LNX1: variants seen among roughly 807,000 people sequenced by gnomAD.
LNX1 encodes E3 ubiquitin-protein ligase LNX.
LNX1 carries 54 observed loss-of-function variants against 68.4 expected under a neutral mutation model. The ratio of observed to expected loss-of-function variants is 0.79; its 90% CI spans 0.63 to 0.99. The LOEUF (loss-of-function observed/expected upper bound fraction) is 0.99, where lower values mean the gene tolerates loss of function less well. LNX1 is among the 50% of genes least tolerant of loss of function. The probability of loss-of-function intolerance (pLI) is 0.00; values close to 1 mark genes in which losing one functional copy is unlikely to be tolerated. For missense variants in LNX1, 906 were observed against 926.4 expected, an observed-to-expected ratio of 0.98 and a Z score of 0.29; for synonymous variants, 336 against 350.0, an observed-to-expected ratio of 0.96 and a Z score of 0.45.
chr4:53,636,424 T>C (rs976050377), intron 1 of LNX1, among the ~76,000 whole-genome samples: 2 of 151,956 alleles, frequency 1.3e-5, no homozygotes, highest in South Asian at 2.1e-4. Flanking sequence ...TGAGGCATCT[T>C]TGGGACTCTG....
intron 9 of LNX1, among the ~76,000 whole-genome samples, chr4:53,466,707 G>T (rs370932377): frequency 6.6e-6 from 1 of 152,238 alleles, no homozygotes; most frequent in Non-Finnish European, 1.5e-5. Flanking sequence ...ACCTGGCTCG[G>T]AGGGTCCTAT....
chr4:53,526,207 G>A (rs1473873438), intron 2 of LNX1, among the ~76,000 whole-genome samples: 3 of 152,098 alleles, frequency 2.0e-5, no homozygotes, highest in Non-Finnish European at 4.4e-5. Context: ...ACTGGACACG[G>A]CACACTGCTC....
upstream of LNX1, among the ~76,000 whole-genome samples, chr4:53,592,479 T>A (rs574533207): frequency 6.6e-6 from 1 of 152,140 alleles, no homozygotes; most frequent in Non-Finnish European, 1.5e-5. Flanking sequence ...CATCATCCCA[T>A]TGAAACGCTG....
chr4:53,540,069 G>A (rs1236983801), intron 2 of LNX1, among the ~76,000 whole-genome samples: 1 of 152,306 alleles, frequency 6.6e-6, no homozygotes, highest in East Asian at 1.9e-4. Context: ...AGATGGCATA[G>A]CAACTACCCC....
intron 7 of LNX1, among the ~76,000 whole-genome samples, chr4:53,479,456 A>G (rs1183887328): frequency 6.6e-6 from 1 of 152,226 alleles, no homozygotes; most frequent in Admixed American, 6.5e-5. Context: ...AAATACCACA[A>G]ATATGGCATG....
rs1721389131 is a variant in LNX1, at chr4:53,459,611, T to TAA, written c.*1294_*1295dup. ...AAATAAAAGAGTGAATTTTTCATGT[T>TAA]AAGTTAAAAATCTTTGTCTTGTACT... On this transcript the variant is annotated 3_prime_UTR_variant, in exon 11 of 11. Coordinates refer to ENST00000263925, the MANE Select transcript of LNX1 (RefSeq NM_001126328.3). The TAA allele has an allele frequency of 5.1e-6, 5 of 987,204 alleles. No individual in the cohort carries two copies. The highest frequency in any genetic ancestry group is 2.4e-5 in the Admixed American group (1 of 41,590). The allele number at this position is 987,204 out of a possible 1,614,324, so 61.2% of individuals were successfully genotyped here.
At chr4:53,477,004 C>G in intron 8 of LNX1, 23 bp from the exon 9 acceptor site, 1 of 1,596,024 alleles carries the variant, frequency 6.3e-7, no homozygotes, top group Middle Eastern at 1.7e-4. Flanking sequence ...GAAGCAGAAG[C>G]TATCTTTAGT....
chr4:53,629,070 A>T (rs1478780935), intron 1 of LNX1, among the ~76,000 whole-genome samples: 1 of 152,246 alleles, frequency 6.6e-6, no homozygotes, highest in Non-Finnish European at 1.5e-5. Context: ...ATCAGAATTT[A>T]TCACTACATA....
intron 2 of LNX1, among the ~76,000 whole-genome samples, chr4:53,544,958 G>C (rs1019706150): frequency 1.3e-5 from 2 of 152,202 alleles, no homozygotes; most frequent in African/African-American, 2.4e-5. Flanking sequence ...CACGTCCCCA[G>C]TGACACCTCA....
In LNX1 at chr4:53,561,353, G is replaced by A. The variant is rs184199788; in HGVS notation, c.380+12270C>T. ...AACGATTCTCCTGCCTCAGCCTCCC[G>A]AGTAGCTGGGACTACAGGCATGCAC... On this transcript the variant is annotated intron_variant, in intron 2 of 10. Transcript: ENST00000263925. Among the ~76,000 whole-genome samples, 117 of 151,984 alleles carry A rather than the reference G, an allele frequency of 7.7e-4. 1 individual carries two copies. Among genetic ancestry groups the A allele is most frequent in the African/African-American group, 2.4e-3 (100 of 41,454 alleles).
chr4:53,519,614 T>G (rs1727054162), intron 2 of LNX1, among the ~76,000 whole-genome samples: 1 of 151,754 alleles, frequency 6.6e-6, no homozygotes, highest in Non-Finnish European at 1.5e-5. Context: ...AGAGTAGCTC[T>G]GTCTGAGATC....
chr4:53,482,539 A>G (rs1560619908), intron 6 of LNX1, among the ~76,000 whole-genome samples: 1 of 152,324 alleles, frequency 6.6e-6, no homozygotes, highest in East Asian at 1.9e-4. Flanking sequence ...AAAAGAATGA[A>G]AAAATGTCTT....
intron 1 of LNX1, among the ~76,000 whole-genome samples, chr4:53,633,961 C>T (rs1734370893): frequency 6.6e-6 from 1 of 152,150 alleles, no homozygotes; most frequent in Non-Finnish European, 1.5e-5. Context: ...CTGGAAAGCA[C>T]CCACACCCAG....
chr4:53,508,341 T>TA lies in LNX1; in HGVS notation c.381-115_381-114insT. 3 of 1,338,932 alleles carry TA rather than the reference T, an allele frequency of 2.2e-6. No homozygotes were observed. In the East Asian group the frequency reaches 7.1e-5, roughly 32 times the overall value. 82.9% of individuals were successfully genotyped at this position (1,338,932 alleles called of 1,614,324 possible). On this transcript the variant is annotated intron_variant, in intron 2 of 10. Coordinates refer to ENST00000263925, the MANE Select transcript of LNX1 (RefSeq NM_001126328.3). ...TATAATAGGCTTGTTGAACTTGGAA[T>TA]TTGATTTGCCTGCCGCTATATCCTC...
chr4:53,639,159 G>T (rs1380242401), intron 1 of LNX1, among the ~76,000 whole-genome samples: 2 of 152,134 alleles, frequency 1.3e-5, no homozygotes, highest in Non-Finnish European at 2.9e-5. Flanking sequence ...CCATGAAAAA[G>T]AACAAAATCA....
chr4:53,548,723 G>A (rs1406887412), intron 2 of LNX1, among the ~76,000 whole-genome samples: 1 of 152,136 alleles, frequency 6.6e-6, no homozygotes. Context: ...ACATATGCAC[G>A]CAAATGTTCT....
chr4:53,508,430 G>GT, intron 2 of LNX1: 1 of 567,964 alleles, frequency 1.8e-6, no homozygotes, highest in East Asian at 3.2e-5. Flanking sequence ...CATAATTTGA[G>GT]ATTTTTTAAA....
intron 1 of LNX1, among the ~76,000 whole-genome samples, chr4:53,650,183 A>G (rs925181116): frequency 6.6e-6 from 1 of 152,202 alleles, no homozygotes; most frequent in Non-Finnish European, 1.5e-5. Context: ...CATCAAAGAC[A>G]GTGACAACAC....
rs138458211 is a variant in LNX1 at position 53,508,198 on chromosome 4, G to C, written c.410C>G (p.Thr137Ser). 9 of 1,614,066 alleles carry C rather than the reference G, an allele frequency of 5.6e-6. No individual in the cohort carries two copies. In the African/African-American group the frequency reaches 1.2e-4, roughly 22 times the overall value. ...SCKGASHYGL[T>S]KDRKRRSQDG... The stretch of plus-strand genomic sequence containing the variant: ...TTGTGAGCGCCTCTTCCTATCTTTG[G>C]TCAGGCCGTAGTGGGAGGCACCTTT... The change falls in exon 3 of 11, where the codon ACC (threonine) becomes AGC (serine). Residue 137 changes from threonine (T) to serine (S), a missense_variant. Coordinates refer to ENST00000263925, the MANE Select transcript of LNX1 (RefSeq NM_001126328.3).
Sources: allele counts gnomAD v4.1 joint callset (sites outside exome capture counted in the v4.1 genomes callset), GRCh38; gene constraint gnomAD v4.1.1; transcripts MANE v1.5; gene names NCBI Gene and HGNC (gene_info 2026-07-23, HGNC 2026-07-21).